Variants in RPS6KC1 observed in about 807,000 individuals in gnomAD.
The protein encoded by RPS6KC1 is inactive ribosomal protein S6 kinase delta-1.
Under a neutral mutation model 103.8 loss-of-function variants are expected in RPS6KC1, and 54 were observed. That is an observed-to-expected ratio of 0.52 (90% confidence interval 0.42 to 0.65). The LOEUF (loss-of-function observed/expected upper bound fraction) is 0.65. Among genes scored for constraint, RPS6KC1 ranks in the 30% least tolerant of loss-of-function variants. The probability of loss-of-function intolerance (pLI) is 0.00; values close to 1 mark genes in which losing one functional copy is unlikely to be tolerated. For missense variants in RPS6KC1, 1,151 were observed against 1,253.8 expected (o/e 0.92, Z 1.24); for synonymous variants, 439 against 438.7 (o/e 1.00, Z -0.01).
chr1:213,548,041 T>C, the RPS6KC1 span, among the ~76,000 whole-genome samples: 5 of 152,330 alleles, frequency 3.3e-5, no homozygotes, highest in African/African-American at 1.2e-4. Flanking sequence ...AGTCCTCATA[T>C]CCACCAGAAG....
the RPS6KC1 span, among the ~76,000 whole-genome samples, chr1:213,561,918 G>A: frequency 6.6e-6 from 1 of 152,190 alleles, no homozygotes; most frequent in Non-Finnish European, 1.5e-5. Context: ...ATTCCTGGAG[G>A]TCAGTTGTTG....
At chr1:213,457,273 C>T in the RPS6KC1 span, among the ~76,000 whole-genome samples, 1,264 of 152,340 alleles carry the variant, frequency 8.3e-3, 15 homozygotes, top group African/African-American at 0.029. Flanking sequence ...TCCAGCTCCA[C>T]GCCATCCTCG....
At chr1:213,691,352 C>G in the RPS6KC1 span, among the ~76,000 whole-genome samples, 1 of 152,232 alleles carries the variant, frequency 6.6e-6, no homozygotes, top group South Asian at 2.1e-4. Flanking sequence ...CTGTCTGAAG[C>G]AAACTCCTCT....
At chr1:213,356,231 G>T in the RPS6KC1 span, among the ~76,000 whole-genome samples, 1 of 152,174 alleles carries the variant, frequency 6.6e-6, no homozygotes, top group Non-Finnish European at 1.5e-5. Flanking sequence ...GTAATTACAG[G>T]CTTCTGTAGA....
At chr1:213,727,475 C>T in the RPS6KC1 span, among the ~76,000 whole-genome samples, 1 of 152,110 alleles carries the variant, frequency 6.6e-6, no homozygotes, top group Non-Finnish European at 1.5e-5. Flanking sequence ...TAAAGCAAAG[C>T]AAGACAATGG....
the RPS6KC1 span, among the ~76,000 whole-genome samples, chr1:213,527,286 G>A: frequency 6.6e-6 from 1 of 152,116 alleles, no homozygotes; most frequent in Non-Finnish European, 1.5e-5. Context: ...AGTGTTTTAT[G>A]GTTTATAAAT....
intron 3 of RPS6KC1, among the ~76,000 whole-genome samples, chr1:213,081,199 A>T (rs544218568): frequency 6.6e-6 from 1 of 152,260 alleles, no homozygotes; most frequent in South Asian, 2.1e-4. Flanking sequence ...GGGCTGGGTA[A>T]CTTATAAAGA....
the RPS6KC1 span, among the ~76,000 whole-genome samples, chr1:213,612,402 A>G: frequency 1.3e-5 from 2 of 152,206 alleles, no homozygotes; most frequent in African/African-American, 4.8e-5. Flanking sequence ...TTGAGACCAT[A>G]TGACATGGGG....
chr1:213,700,384 C>T, the RPS6KC1 span, among the ~76,000 whole-genome samples: 2 of 152,014 alleles, frequency 1.3e-5, no homozygotes, highest in African/African-American at 2.4e-5. Flanking sequence ...TCTTGGTTCT[C>T]TGTTTTGCTC....
At chr1:213,851,174 A>G in the RPS6KC1 span, among the ~76,000 whole-genome samples, 1 of 152,088 alleles carries the variant, frequency 6.6e-6, no homozygotes, top group Non-Finnish European at 1.5e-5. Flanking sequence ...ATCTATGACT[A>G]ATTCTGGAGT....
intron 12 of RPS6KC1, among the ~76,000 whole-genome samples, chr1:213,254,635 A>T (rs1227471209): frequency 1.3e-5 from 2 of 152,220 alleles, no homozygotes; most frequent in Non-Finnish European, 1.5e-5. Context: ...TTTTCAGAGA[A>T]GCATAGTGAT....
the RPS6KC1 span, among the ~76,000 whole-genome samples, chr1:213,366,601 C>T: frequency 1.3e-5 from 2 of 152,322 alleles, no homozygotes; most frequent in African/African-American, 4.8e-5. Context: ...ATGGGTGTAG[C>T]TGTGTTTCAA....
At chr1:213,511,179 G>T in the RPS6KC1 span, among the ~76,000 whole-genome samples, 2 of 122,168 alleles carry the variant, frequency 1.6e-5, no homozygotes, top group African/African-American at 1.1e-4. Flanking sequence ...GTTGAGGAAT[G>T]TCTTTTTTTT....
At chr1:213,638,731 C>T in the RPS6KC1 span, among the ~76,000 whole-genome samples, 1 of 151,918 alleles carries the variant, frequency 6.6e-6, no homozygotes, top group South Asian at 2.1e-4. Flanking sequence ...AATCCTTTAC[C>T]AATACCATGT....
intron 7 of RPS6KC1, among the ~76,000 whole-genome samples, chr1:213,168,661 C>T (rs781185819): frequency 6.6e-6 from 1 of 151,836 alleles, no homozygotes; most frequent in African/African-American, 2.4e-5. Flanking sequence ...CTCACTCTGT[C>T]CCCCAGACTG....
the RPS6KC1 span, among the ~76,000 whole-genome samples, chr1:213,520,636 C>CCTCCCTCCCCTCCCTCG: frequency 2.6e-5 from 4 of 152,032 alleles, no homozygotes; most frequent in East Asian, 7.7e-4. Context: ...TTTTATCAGA[C>CCTCCCTCCCCTCCCTCG]TTGACCCATA....
the RPS6KC1 span, among the ~76,000 whole-genome samples, chr1:213,387,001 A>G: frequency 6.6e-6 from 1 of 151,034 alleles, no homozygotes; most frequent in Admixed American, 6.6e-5. Flanking sequence ...TTTCTCTCAA[A>G]CTACCTTAGT....
At chr1:213,190,006 T>C (rs1175212487) in intron 8 of RPS6KC1, among the ~76,000 whole-genome samples, 1 of 152,236 alleles carries the variant, frequency 6.6e-6, no homozygotes, top group African/African-American at 2.4e-5. Flanking sequence ...TATGCCTGAA[T>C]AGTACTTCAT....
At chr1:213,161,510 G>A (rs1490459658) in intron 6 of RPS6KC1, among the ~76,000 whole-genome samples, 3 of 152,020 alleles carry the variant, frequency 2.0e-5, no homozygotes, top group African/African-American at 7.2e-5. Flanking sequence ...TAATAGAGAT[G>A]GGGTTTAACC....
Sources: allele counts gnomAD v4.1 joint callset (sites outside exome capture counted in the v4.1 genomes callset), GRCh38; gene constraint gnomAD v4.1.1; transcripts MANE v1.5; gene names NCBI Gene and HGNC (gene_info 2026-07-23, HGNC 2026-07-21).